Variants in CPA1 observed in about 807,000 individuals in gnomAD.
The protein encoded by CPA1 is carboxypeptidase A1 (pancreatic).
A neutral mutation model predicts 48.7 loss-of-function variants in CPA1; 42 were observed. That is an observed-to-expected ratio of 0.86 (90% CI 0.67 to 1.11). The LOEUF is 1.11. Ranked by LOEUF, CPA1 falls within the 50% of genes most tolerant of loss-of-function variation. CPA1 has a pLI of 0.00. For missense variants in CPA1, 477 were observed against 544.7 expected, an observed-to-expected ratio of 0.88 and a Z score of 1.24; for synonymous variants, 203 against 217.9, an observed-to-expected ratio of 0.93 and a Z score of 0.60.
chr7:130,384,985 C>A, intron 7 of CPA1, 161 bp from the exon 8 acceptor site: 1 of 697,556 alleles, frequency 1.4e-6, no homozygotes, highest in Non-Finnish European at 2.4e-6. Flanking sequence ...GCTGGGAGGG[C>A]AGTTCCCCCA....
intron 7 of CPA1, 149 bp downstream of exon 7, chr7:130,384,775 G>A: frequency 3.0e-6 from 2 of 671,984 alleles, no homozygotes; most frequent in South Asian, 3.7e-5. Context: ...GGGGATGGAG[G>A]CTGTGCTCTG....
At chr7:130,384,324 T>TC in intron 6 of CPA1, 1 of 587,512 alleles carries the variant, frequency 1.7e-6, no homozygotes, top group South Asian at 2.0e-5. Context: ...CTGCTGATCT[T>TC]CCTCCCCGAC....
In CPA1 at chr7:130,381,804, C is replaced by T. The variant is rs141886698; in HGVS notation, c.322C>T (p.Arg108Trp). Reference sequence around the variant, plus strand: ...GGAGCAGGAGCAGATGTTCGCCTTCCGGTCCCGGGCGCGCTCCACCGACAC... The same window carrying T: ...GGAGCAGGAGCAGATGTTCGCCTTCTGGTCCCGGGCGCGCTCCACCGACAC... ...DEEQEQMFAF[R>W]SRARSTDTFN... Residue 108 changes from arginine (R) to tryptophan (W), a missense_variant, in exon 3 of 10, where the codon CGG becomes TGG. Coordinates refer to ENST00000011292, the MANE Select transcript of CPA1 (RefSeq NM_001868.4). The T allele has an allele frequency of 7.3e-5, 118 of 1,613,968 alleles. No homozygotes were observed. The highest frequency in any genetic ancestry group is 1.0e-4 in the Non-Finnish European group (118 of 1,180,030).
rs1051725707 is a variant in CPA1, at chr7:130,383,438, C to A, written c.531C>A (p.Gly177=). 1.4e-5 allele frequency: 23 copies of A among 1,614,082 alleles called. No individual in the cohort carries two copies. The highest frequency in any genetic ancestry group is 1.5e-5 in the Non-Finnish European group (18 of 1,180,034). ...GTCCAGCCATCTGGATCGACACGGG[C>A]ATCCATTCCCGGGAGTGGGTCACCC... ...SKRPAIWIDT[G]IHSREWVTQA... is the part of the protein sequence containing the mutation. The change falls in exon 5 of 10, where the codon GGC becomes GGA. Residue 177 remains glycine (G), a synonymous_variant. Transcript: ENST00000011292.
chr7:130,384,818 G>T, intron 7 of CPA1, 192 bp downstream of exon 7: 1 of 618,878 alleles, frequency 1.6e-6, no homozygotes. Flanking sequence ...CAAAAGGCAA[G>T]TTGCTTGCAA....
intron 1 of CPA1, 62 bp downstream of exon 1, chr7:130,380,647 C>T (rs1006524376): frequency 2.1e-6 from 2 of 943,284 alleles, no homozygotes; most frequent in Non-Finnish European, 2.9e-6. Context: ...AGCCCCCAAC[C>T]AGTAGAGGAG....
intron 4 of CPA1, among the ~76,000 whole-genome samples, chr7:130,382,730 A>T (rs1584851377): frequency 3.0e-5 from 4 of 135,516 alleles, no homozygotes; most frequent in Admixed American, 8.6e-5. Flanking sequence ...CTGAACCTCC[A>T]CCTCCTGGGT....
At position 130,383,406 on chromosome 7, in the gene CPA1, A is replaced by G. The variant is rs1796431495; in HGVS notation, c.499A>G (p.Ser167Gly). The G allele has an allele frequency of 6.2e-7, 1 of 1,614,000 alleles. No individual in the cohort carries two copies. The highest frequency in any genetic ancestry group is 1.7e-5 in the Admixed American group (1 of 60,004). ...IYVLKFSTGGSKRPAIWIDTG... is the reference protein window; with the variant it reads ...IYVLKFSTGGGKRPAIWIDTG... ...TCCTCTCCAGTTCAGCACGGGGGGC[A>G]GTAAGCGTCCAGCCATCTGGATCGA... Residue 167 changes from serine to glycine, a missense_variant, in exon 5 of 10, where the codon AGT becomes GGT. Transcript: ENST00000011292.
At position 130,380,587 on chromosome 7, in the gene CPA1, TA is replaced by T. The variant is rs574196558; in HGVS notation, c.65+3del. ...CTTTGGCAAGGAGGACTTTGTGGGG[TA>T]GGGATGTGGAGAGGAGGGGGTGCCC... is the stretch of plus-strand genomic sequence containing the variant. On this transcript the variant is annotated splice_donor_region_variant and intron_variant, in intron 1 of 9. Coordinates refer to ENST00000011292, the MANE Select transcript of CPA1 (RefSeq NM_001868.4). The T allele has an allele frequency of 1.8e-5, 23 of 1,309,600 alleles. No individual in the cohort carries two copies. In the East Asian group the frequency reaches 6.2e-4, roughly 35 times the overall value. 81.1% of individuals were successfully genotyped at this position (1,309,600 alleles called of 1,614,324 possible).
chr7:130,385,886 G>A lies in CPA1; in HGVS notation c.1035G>A (p.Gly345=), dbSNP rs1199810756. 1 of 1,614,034 alleles carries A rather than the reference G, an allele frequency of 6.2e-7. No individual in the cohort carries two copies. Among genetic ancestry groups the A allele is most frequent in the African/African-American group, 1.3e-5 (1 of 74,918 alleles). The change falls in exon 9 of 10, where the codon GGG becomes GGA. Residue 345 remains glycine (G), a synonymous_variant. Transcript: ENST00000011292. ...AAVTALASLY[G]TKFNYGSIIK... is the part of the protein sequence containing the mutation. ...TGACAGCCCTGGCCTCTCTCTACGGGACCAAGTTCAACTATGGCAGCATCA... is the reference window on the plus strand; with the variant it reads ...TGACAGCCCTGGCCTCTCTCTACGGAACCAAGTTCAACTATGGCAGCATCA...
chr7:130,388,058 G>A lies in CPA1; in HGVS notation c.*47G>A. 2 of 1,583,134 alleles carry A rather than the reference G, an allele frequency of 1.3e-6. No individual in the cohort carries two copies. The highest frequency in any genetic ancestry group is 2.7e-5 in the African/African-American group (2 of 74,108). On this transcript the variant is annotated 3_prime_UTR_variant, in exon 10 of 10. Transcript: ENST00000011292. ...TTGTCCTCCTCTCTGGCCCCATCCA[G>A]GCAACCAAATAAAGTTTGAGTGTAC...
At position 130,385,164 on chromosome 7, in the gene CPA1, A is replaced by T; in HGVS notation, c.806A>T (p.Asn269Ile). The change falls in exon 8 of 10, where the codon AAC (asparagine) becomes ATC (isoleucine). Residue 269 changes from asparagine to isoleucine, a missense_variant. Asn to Ile is a moderately radical substitution (Grantham distance 149). Coordinates refer to ENST00000011292, the MANE Select transcript of CPA1 (RefSeq NM_001868.4). ...CCCACAGTGTCCGGAGCCAGCAGTA[A>T]CCCCTGCTCGGAGACTTACCACGGC... ...AGFGLSGASS[N>I]PCSETYHGKF... 6.2e-7 allele frequency: 1 copy of T among 1,614,026 alleles called. No individual in the cohort carries two copies. Among genetic ancestry groups the T allele is most frequent in the Non-Finnish European group, 8.5e-7 (1 of 1,180,006 alleles).
intron 9 of CPA1, among the ~76,000 whole-genome samples, chr7:130,386,457 G>A (rs527681708): frequency 8.3e-4 from 126 of 152,026 alleles, no homozygotes; most frequent in African/African-American, 2.7e-3. Context: ...GCTTGAACCC[G>A]GGAGGTGGAG....
intron 8 of CPA1, 70 bp downstream of exon 8, chr7:130,385,415 C>A: frequency 7.0e-7 from 1 of 1,419,824 alleles, no homozygotes; most frequent in Non-Finnish European, 9.9e-7. Flanking sequence ...TTTCCCCCAT[C>A]AGACCTGCTT....
chr7:130,384,567 C>T lies in CPA1; in HGVS notation c.728C>T (p.Thr243Ile). 1 of 1,614,242 alleles carries T rather than the reference C, an allele frequency of 6.2e-7. No homozygotes were observed. Among genetic ancestry groups the T allele is most frequent in the African/African-American group, 1.3e-5 (1 of 75,076 alleles). The change falls in exon 7 of 10, where the codon ACA becomes ATA. Residue 243 changes from threonine to isoleucine, a missense_variant. Thr to Ile is a moderately conservative substitution (Grantham distance 89, BLOSUM62 -1). Transcript: ENST00000011292. Reference sequence around the variant, plus strand: ...ATGTGGCGCAAGACTCGGTCCCACACAGCAGGCTCCCTCTGTATTGGCGTG... The same window carrying T: ...ATGTGGCGCAAGACTCGGTCCCACATAGCAGGCTCCCTCTGTATTGGCGTG... Reference protein sequence around the residue: ...NRMWRKTRSHTAGSLCIGVDP... With the variant: ...NRMWRKTRSHIAGSLCIGVDP...
At position 130,387,878 on chromosome 7, in the gene CPA1, C is replaced by T; in HGVS notation, c.1127C>T (p.Ser376Phe). 6.2e-7 allele frequency: 1 copy of T among 1,614,184 alleles called. No homozygotes were observed. The highest frequency in any genetic ancestry group is 8.5e-7 in the Non-Finnish European group (1 of 1,180,034). The change falls in exon 10 of 10, where the codon TCC becomes TTC. Residue 376 changes from serine (S) to phenylalanine (F), a missense_variant. Physicochemically the swap from Ser to Phe is radical, Grantham distance 155. Transcript: ENST00000011292. This position sits in a 1 kb window ranked among gnomAD's most constrained non-coding sequence, Gnocchi z 4.6. ...DWTYSQGIKY[S>F]FTFELRDTGR... ...ACCTACAGCCAGGGCATCAAGTACT[C>T]CTTCACCTTCGAGCTCCGGGACACT...
chr7:130,388,097 C>G lies in CPA1; in HGVS notation c.*86C>G, dbSNP rs1318196124. 2 of 1,367,816 alleles carry G rather than the reference C, an allele frequency of 1.5e-6. No individual in the cohort carries two copies. The highest frequency in any genetic ancestry group is 2.3e-5 in the East Asian group (1 of 43,724). The allele number at this position is 1,367,816 out of a possible 1,614,324, so 84.7% of individuals were successfully genotyped here. A position where few individuals can be genotyped will look rare whatever the true frequency, so the allele number is the denominator to read the frequency against. ...GTTTGAGTGTACCAGGAACAGAATC[C>G]TGGGGCTTGCATGTGGAGTGTCTGC... is the stretch of plus-strand genomic sequence containing the variant. On this transcript the variant is annotated 3_prime_UTR_variant, in exon 10 of 10. Coordinates refer to ENST00000011292, the MANE Select transcript of CPA1 (RefSeq NM_001868.4).
At position 130,385,638 on chromosome 7, in the gene CPA1, G is replaced by A. The variant is rs544590173; in HGVS notation, c.988-201G>A. 3.9e-5 allele frequency among the ~76,000 whole-genome samples: 6 copies of A among 152,322 alleles called. No individual in the cohort carries two copies. In the South Asian group the frequency reaches 6.2e-4, roughly 16 times the overall value. Reference sequence around the variant, plus strand: ...GCCTGAAGGGCAGGGAAGGCCAGCCGGACACCCTGAAGGGCCAGAAAACTG... The same window carrying A: ...GCCTGAAGGGCAGGGAAGGCCAGCCAGACACCCTGAAGGGCCAGAAAACTG... On this transcript the variant is annotated intron_variant, in intron 8 of 9. Coordinates refer to ENST00000011292, the MANE Select transcript of CPA1 (RefSeq NM_001868.4).
chr7:130,383,193 A>C (rs1212442295), intron 4 of CPA1, among the ~76,000 whole-genome samples, 198 bp from the exon 5 acceptor site: 24 of 152,322 alleles, frequency 1.6e-4, no homozygotes, highest in Admixed American at 1.4e-3. Flanking sequence ...GGCTGAGGGC[A>C]GGAGGCCAAG....
Sources: gnomAD v4.1 joint callset for allele counts (sites outside exome capture counted in the v4.1 genomes callset) on GRCh38, gnomAD v4.1.1 for gene constraint, Gnocchi (gnomAD v3.1) non-coding constraint, MANE v1.5 for transcripts, NCBI Gene and HGNC (gene_info 2026-07-23, HGNC 2026-07-21) for gene names.